Variants in CEP128 observed in about 807,000 individuals in gnomAD.
CEP128 encodes centrosomal protein 128kDa.
In CEP128, 132 loss-of-function variants were observed where a neutral mutation model predicts 156.7. The observed-to-expected ratio is 0.84, with a 90% confidence interval of 0.73 to 0.97. The LOEUF (loss-of-function observed/expected upper bound fraction) is 0.97. Ranked by LOEUF, CEP128 falls within the 50% of genes least tolerant of loss-of-function variation. CEP128 has a pLI of 0.00. For missense variants in CEP128, 1,252 were observed against 1,281.9 expected (o/e 0.98, Z 0.36); for synonymous variants, 469 against 448.9 (o/e 1.04, Z -0.57).
intron 7 of CEP128, among the ~76,000 whole-genome samples, chr14:80,896,154 A>C (rs1796231018): frequency 6.6e-6 from 1 of 152,228 alleles, no homozygotes; most frequent in Non-Finnish European, 1.5e-5. Context: ...AATTAAGAAA[A>C]AAGAGAGAAA....
At chr14:80,773,206 T>A (rs895517943) in intron 16 of CEP128, among the ~76,000 whole-genome samples, 15 of 152,202 alleles carry the variant, frequency 9.9e-5, no homozygotes, top group Non-Finnish European at 2.2e-4. Context: ...ATGAAAATCA[T>A]CAGTAAAATT....
At chr14:80,545,806 C>T (rs1435812964) in intron 21 of CEP128, among the ~76,000 whole-genome samples, 1 of 152,084 alleles carries the variant, frequency 6.6e-6, no homozygotes, top group African/African-American at 2.4e-5. Context: ...AGGGGACACA[C>T]TAAAGGCAAT....
chr14:80,775,695 C>A (rs1360278952), intron 16 of CEP128, among the ~76,000 whole-genome samples: 1 of 152,156 alleles, frequency 6.6e-6, no homozygotes, highest in Non-Finnish European at 1.5e-5. Context: ...AGCAGATGCT[C>A]AATACATAGC....
chr14:80,900,653 T>C (rs1454973187), intron 6 of CEP128, among the ~76,000 whole-genome samples: 6 of 152,170 alleles, frequency 3.9e-5, no homozygotes, highest in African/African-American at 1.2e-4. Flanking sequence ...TAAATGGTGG[T>C]ATATTCCTCC....
intron 13 of CEP128, among the ~76,000 whole-genome samples, chr14:80,805,774 A>C (rs1884141396): frequency 6.6e-6 from 1 of 152,238 alleles, no homozygotes; most frequent in Non-Finnish European, 1.5e-5. Context: ...TTTGAATAAA[A>C]GAACTCCAAT....
At chr14:80,695,631 C>T (rs923865909) in intron 19 of CEP128, among the ~76,000 whole-genome samples, 5 of 150,862 alleles carry the variant, frequency 3.3e-5, no homozygotes, top group African/African-American at 7.3e-5. Context: ...GCAGGAGAAT[C>T]GCTTGAACCC....
chr14:80,723,056 G>A (rs1025355138), intron 19 of CEP128, among the ~76,000 whole-genome samples: 1 of 151,912 alleles, frequency 6.6e-6, no homozygotes, highest in Non-Finnish European at 1.5e-5. Flanking sequence ...TTAATCTCCT[G>A]ACCTTGTGAT....
chr14:80,812,182 T>G (rs1884594662), intron 13 of CEP128, among the ~76,000 whole-genome samples: 1 of 152,206 alleles, frequency 6.6e-6, no homozygotes, highest in African/African-American at 2.4e-5. Flanking sequence ...GTTAATTGGC[T>G]CAGGATAATG....
intron 8 of CEP128, among the ~76,000 whole-genome samples, chr14:80,864,829 T>C (rs1887691035): frequency 6.6e-6 from 1 of 152,218 alleles, no homozygotes; most frequent in East Asian, 1.9e-4. Flanking sequence ...AATGCTGGGA[T>C]TACAGGCGTG....
intron 19 of CEP128, among the ~76,000 whole-genome samples, chr14:80,622,753 A>C (rs1474613398): frequency 3.3e-5 from 5 of 151,000 alleles, no homozygotes. Flanking sequence ...TCAAAACCAC[A>C]ATGAGATACC....
At chr14:80,612,024 C>T (rs1328858040) in intron 19 of CEP128, among the ~76,000 whole-genome samples, 2 of 152,046 alleles carry the variant, frequency 1.3e-5, no homozygotes, top group Non-Finnish European at 2.9e-5. Flanking sequence ...CGCCACTGCA[C>T]TCCAGCCTGA....
chr14:80,798,602 G>A (rs538195912), intron 13 of CEP128, among the ~76,000 whole-genome samples: 1 of 152,308 alleles, frequency 6.6e-6, no homozygotes, highest in Admixed American at 6.5e-5. Flanking sequence ...ATTTTTTGTA[G>A]TCTAGACACA....
chr14:80,673,645 CAAAAA>C (rs4016509), intron 19 of CEP128, among the ~76,000 whole-genome samples: 3 of 43,966 alleles, frequency 6.8e-5, no homozygotes, highest in African/African-American at 1.2e-4. Flanking sequence ...GACTCCGTCT[CAAAAA>C]AAAAAAAAAA....
At chr14:80,954,566 T>C (rs1300079104) in intron 2 of CEP128, among the ~76,000 whole-genome samples, 1 of 152,206 alleles carries the variant, frequency 6.6e-6, no homozygotes, top group African/African-American at 2.4e-5. Flanking sequence ...AGTCAATCTT[T>C]CCTAACCTTT....
chr14:80,491,390 G>A (rs1300675405), intron 6 of CEP128, among the ~76,000 whole-genome samples: 1 of 152,040 alleles, frequency 6.6e-6, no homozygotes, highest in South Asian at 2.1e-4. Flanking sequence ...TAGAACTGTT[G>A]CATCTATTTT....
In CEP128 at chr14:80,792,792, T is replaced by C; in HGVS notation, c.1528A>G (p.Thr510Ala). The C allele has an allele frequency of 1.2e-6, 2 of 1,614,112 alleles. No homozygotes were observed. The highest frequency in any genetic ancestry group is 1.7e-6 in the Non-Finnish European group (2 of 1,179,988). Reference sequence around the variant, plus strand: ...TTCTTGCCTGTCAGTTCATCAACAGTTTCAGATTGTTTCTCCAACGCTCGT... The same window carrying C: ...TTCTTGCCTGTCAGTTCATCAACAGCTTCAGATTGTTTCTCCAACGCTCGT... ...LERALEKQSETVDELTGKNNQ... is the reference protein window; with the variant it reads ...LERALEKQSEAVDELTGKNNQ... Residue 510 changes from threonine (T) to alanine (A), a missense_variant, in exon 14 of 25, where the codon ACT (threonine) becomes GCT (alanine). By Grantham distance (58) the Thr-to-Ala change is moderately conservative. Coordinates refer to ENST00000555265, the MANE Select transcript of CEP128 (RefSeq NM_152446.5).
intron 2 of CEP128, among the ~76,000 whole-genome samples, chr14:80,947,075 C>T (rs543816429): frequency 3.9e-5 from 6 of 152,174 alleles, no homozygotes; most frequent in African/African-American, 9.7e-5. Flanking sequence ...CCTCCCTAAC[C>T]GTGCTTCCTG....
intron 17 of CEP128, among the ~76,000 whole-genome samples, chr14:80,758,780 G>A (rs1899806094): frequency 6.6e-6 from 1 of 152,126 alleles, no homozygotes; most frequent in South Asian, 2.1e-4. Flanking sequence ...TATCCACTAA[G>A]CGCAAGATAT....
At chr14:80,956,003 T>C in intron 2 of CEP128, 1 of 928,578 alleles carries the variant, frequency 1.1e-6, no homozygotes, top group Non-Finnish European at 1.7e-6. Flanking sequence ...GATGTGTGTG[T>C]GTGCTAAAAA....
Sources: allele counts gnomAD v4.1 joint callset (sites outside exome capture counted in the v4.1 genomes callset), GRCh38; gene constraint gnomAD v4.1.1; transcripts MANE v1.5; gene names NCBI Gene and HGNC (gene_info 2026-07-23, HGNC 2026-07-21).